The following AUH variants were observed in gnomAD, a reference collection of about 807,000 sequenced individuals.
AUH encodes the protein AU RNA binding methylglutaconyl-CoA hydratase.
Under a neutral mutation model 42.3 loss-of-function variants are expected in AUH, and 29 were observed. The observed-to-expected ratio is 0.69, with a 90% CI of 0.51 to 0.93. The LOEUF (loss-of-function observed/expected upper bound fraction) is 0.93, where lower values mean the gene tolerates loss of function less well. Ranked by LOEUF, AUH falls within the 40% of genes least tolerant of loss-of-function variation. The probability of loss-of-function intolerance (pLI) is 0.00; values close to 1 mark genes in which losing one functional copy is unlikely to be tolerated. For missense variants in AUH, 452 were observed against 438.1 expected, an observed-to-expected ratio of 1.03 and a Z score of -0.28; for synonymous variants, 174 against 166.4, an observed-to-expected ratio of 1.05 and a Z score of -0.35.
At chr9:91,292,215 C>T (rs1042408187) in intron 6 of AUH, among the ~76,000 whole-genome samples, 2 of 151,494 alleles carry the variant, frequency 1.3e-5, no homozygotes, top group South Asian at 2.1e-4. Flanking sequence ...CCACTAACCG[C>T]AACTTTTGTC....
chr9:91,245,719 G>A (rs538398886), intron 6 of AUH, among the ~76,000 whole-genome samples: 70 of 152,272 alleles, frequency 4.6e-4, no homozygotes, highest in South Asian at 1.0e-3. Flanking sequence ...ACCCCAGGAT[G>A]TAGGGACTAT....
At chr9:91,358,760 A>C (rs1832628566) in intron 1 of AUH, among the ~76,000 whole-genome samples, 1 of 152,204 alleles carries the variant, frequency 6.6e-6, no homozygotes, top group African/African-American at 2.4e-5. Context: ...TTTTGGTCCC[A>C]TATCTGAGAC....
chr9:91,245,578 C>T (rs1245471702), intron 6 of AUH, among the ~76,000 whole-genome samples: 3 of 152,092 alleles, frequency 2.0e-5, no homozygotes, highest in African/African-American at 7.2e-5. Flanking sequence ...TCAGTGGGAC[C>T]AAGATGACTG....
chr9:91,311,522 G>A (rs991859456), intron 4 of AUH, among the ~76,000 whole-genome samples: 1 of 152,138 alleles, frequency 6.6e-6, no homozygotes, highest in African/African-American at 2.4e-5. Context: ...TTATCATTAG[G>A]TAACAATTCT....
intron 4 of AUH, among the ~76,000 whole-genome samples, chr9:91,302,449 C>T (rs1453010095): frequency 3.3e-5 from 5 of 152,058 alleles, no homozygotes; most frequent in African/African-American, 9.7e-5. Context: ...ATTAGCTGGG[C>T]GTGGTGGTAC....
chr9:91,239,311 T>C (rs1195289722), intron 6 of AUH, among the ~76,000 whole-genome samples: 5 of 152,234 alleles, frequency 3.3e-5, no homozygotes, highest in African/African-American at 4.8e-5. Flanking sequence ...AAGTGATCTC[T>C]GACTTCTGAT....
At chr9:91,332,433 TG>T (rs1290164073) in intron 3 of AUH, among the ~76,000 whole-genome samples, 5 of 151,990 alleles carry the variant, frequency 3.3e-5, no homozygotes, top group Admixed American at 3.3e-4. Flanking sequence ...ATCCAGGAGG[TG>T]GAAGTTGCAG....
intron 3 of AUH, among the ~76,000 whole-genome samples, chr9:91,341,297 A>C (rs2131977778): frequency 6.6e-6 from 1 of 152,110 alleles, no homozygotes; most frequent in East Asian, 1.9e-4. Flanking sequence ...CTGCCCACCC[A>C]CTAGGGGGGG....
At chr9:91,241,505 T>C (rs891654495) in intron 6 of AUH, among the ~76,000 whole-genome samples, 18 of 152,160 alleles carry the variant, frequency 1.2e-4, no homozygotes, top group Admixed American at 7.2e-4. Flanking sequence ...AGATTTTGTG[T>C]TAGGTTTTCC....
intron 3 of AUH, among the ~76,000 whole-genome samples, chr9:91,346,155 CTT>C (rs923185652): frequency 6.6e-6 from 1 of 152,076 alleles, no homozygotes; most frequent in East Asian, 1.9e-4. Context: ...TGAACTGACT[CTT>C]AGAGGGCCCC....
At chr9:91,232,228 T>C (rs1164787723) in intron 6 of AUH, among the ~76,000 whole-genome samples, 1 of 151,802 alleles carries the variant, frequency 6.6e-6, no homozygotes, top group East Asian at 1.9e-4. Flanking sequence ...CTACCACACA[T>C]AGAGATACAA....
Position 91,351,334 on chromosome 9 carries a change from ACTCT to A in AUH, c.418+4545_418+4548del, listed in dbSNP as rs781357350. 7.9e-5 allele frequency among the ~76,000 whole-genome samples: 12 copies of A among 151,728 alleles called. No homozygotes were observed. The East Asian group carries it at 9.7e-4, about 12-fold the overall frequency. On this transcript the variant is annotated intron_variant, in intron 3 of 9. Transcript: ENST00000375731. Reference sequence around the variant, plus strand: ...TAATGGCCATAACATTTTATATACAACTCTCTCTATGCTTGTAACAGGTTATTTT... The same window carrying A: ...TAATGGCCATAACATTTTATATACAACTCTATGCTTGTAACAGGTTATTTT...
At chr9:91,245,713 C>T (rs1053678735) in intron 6 of AUH, among the ~76,000 whole-genome samples, 6 of 152,128 alleles carry the variant, frequency 3.9e-5, no homozygotes, top group Non-Finnish European at 1.5e-5. Context: ...CCACCTACCC[C>T]AGGATGTAGG....
chr9:91,311,921 G>A (rs114575893), intron 4 of AUH, among the ~76,000 whole-genome samples: 104 of 152,246 alleles, frequency 6.8e-4, no homozygotes, highest in African/African-American at 2.4e-3. Context: ...CTTCAAGAGG[G>A]AAGGGGACTT....
intron 6 of AUH, among the ~76,000 whole-genome samples, chr9:91,270,674 C>T (rs1825048261): frequency 6.6e-6 from 1 of 151,906 alleles, no homozygotes; most frequent in South Asian, 2.1e-4. Flanking sequence ...TGACTGTGAT[C>T]AAAATGAATA....
intron 6 of AUH, among the ~76,000 whole-genome samples, chr9:91,242,737 T>C (rs1223248743): frequency 6.6e-6 from 1 of 152,192 alleles, no homozygotes; most frequent in Non-Finnish European, 1.5e-5. Context: ...AGACTTAAGA[T>C]GTAAGTGAGA....
At chr9:91,316,024 T>G (rs1829131558) in intron 4 of AUH, among the ~76,000 whole-genome samples, 1 of 152,268 alleles carries the variant, frequency 6.6e-6, no homozygotes, top group Non-Finnish European at 1.5e-5. Flanking sequence ...TATTCATTTA[T>G]GTACACTGCT....
At chr9:91,326,126 G>A (rs1385890810) in intron 3 of AUH, among the ~76,000 whole-genome samples, 2 of 152,034 alleles carry the variant, frequency 1.3e-5, no homozygotes, top group African/African-American at 4.8e-5. Context: ...AAAAAAGATG[G>A]GTCCCCAATT....
At chr9:91,258,066 C>T (rs1287898720) in intron 6 of AUH, among the ~76,000 whole-genome samples, 2 of 152,148 alleles carry the variant, frequency 1.3e-5, no homozygotes, top group African/African-American at 2.4e-5. Flanking sequence ...ATTGCTAGTA[C>T]ATAGAACCAC....
Sources: allele counts gnomAD v4.1 joint callset (sites outside exome capture counted in the v4.1 genomes callset), GRCh38; gene constraint gnomAD v4.1.1; transcripts MANE v1.5; gene names NCBI Gene and HGNC (gene_info 2026-07-23, HGNC 2026-07-21).